KLLN: variants seen among roughly 807,000 people sequenced by gnomAD.
KLLN encodes killin.
For missense variants in KLLN, 340 were observed against 241.3 expected, an observed-to-expected ratio of 1.41 and a Z score of -2.71; for synonymous variants, 142 against 102.2, an observed-to-expected ratio of 1.39 and a Z score of -2.35.
In KLLN at chr10:87,862,246, T is replaced by A. The variant is rs903360897; in HGVS notation, c.242A>T (p.Asp81Val). The A allele has an allele frequency of 2.6e-6, 4 of 1,551,600 alleles. No individual in the cohort carries two copies. Among genetic ancestry groups the A allele is most frequent in the African/African-American group, 2.7e-5 (2 of 73,050 alleles). ...AGAAGACGACTTGCCTCCGGAGCTATCACTGGGGAGTGGGAATTTGGAAAG... is the reference window on the plus strand; with the variant it reads ...AGAAGACGACTTGCCTCCGGAGCTAACACTGGGGAGTGGGAATTTGGAAAG... ...GELSKFPLPS[D>V]SSGGKSSSSF... Residue 81 changes from aspartate to valine, a missense_variant, in exon 1 of 1, where the codon GAT becomes GTT. By Grantham distance (152) the Asp-to-Val change is radical (BLOSUM62 -3). Coordinates refer to ENST00000445946, the MANE Select transcript of KLLN (RefSeq NM_001126049.2).
At position 87,862,814 on chromosome 10, in the gene KLLN, G is replaced by A. The variant is rs1475064264; in HGVS notation, c.-327C>T. Reference sequence around the variant, plus strand: ...GCGAGAGGTGGGGCGCTGCAAGGGAGCCGGATGAGGTGATACACGCTGGCG... The same window carrying A: ...GCGAGAGGTGGGGCGCTGCAAGGGAACCGGATGAGGTGATACACGCTGGCG... On this transcript the variant is annotated 5_prime_UTR_variant, in exon 1 of 1. Transcript: ENST00000445946. The A allele has an allele frequency of 2.3e-6, 1 of 431,944 alleles. No individual in the cohort carries two copies. The highest frequency in any genetic ancestry group is 3.9e-5 in the Admixed American group (1 of 25,924). 26.8% of individuals were successfully genotyped at this position (431,944 alleles called of 1,614,324 possible).
At position 87,862,524 on chromosome 10, in the gene KLLN, G is replaced by T. The variant is rs1182387529; in HGVS notation, c.-37C>A. On this transcript the variant is annotated 5_prime_UTR_variant, in exon 1 of 1. Coordinates refer to ENST00000445946, the MANE Select transcript of KLLN (RefSeq NM_001126049.2). ...TTCACGGCGGCCAAGGGGGGGCGGG[G>T]CTAGGTGGTCTCTGAGAACCGAGCT... 9 of 1,509,342 alleles carry T rather than the reference G, an allele frequency of 6.0e-6. No homozygotes were observed. In the Admixed American group the frequency reaches 1.8e-4, roughly 30 times the overall value. 93.5% of individuals were successfully genotyped at this position (1,509,342 alleles called of 1,614,324 possible).
Position 87,862,602 on chromosome 10 carries a change from C to G in KLLN, c.-115G>C, listed in dbSNP as rs932861338. ...AGCCCGAGGGGAAAGATGCTCGACT[C>G]TCTTGGGGGCACCGGAGCGGGCGCA... On this transcript the variant is annotated 5_prime_UTR_variant, in exon 1 of 1. Transcript: ENST00000445946. 2.1e-6 allele frequency: 2 copies of G among 972,838 alleles called. No individual in the cohort carries two copies. Among genetic ancestry groups the G allele is most frequent in the Non-Finnish European group, 3.0e-6 (2 of 662,024 alleles). The allele number at this position is 972,838 out of a possible 1,614,324, so 60.3% of individuals were successfully genotyped here.
Position 87,860,700 on chromosome 10 carries a change from A to G in KLLN, c.*1251T>C, listed in dbSNP as rs1334528680. ...GGAGACAAGATCAGCAATCTAAGAA[A>G]CAAATGTGAGACATTTTACCCCTCC... On this transcript the variant is annotated 3_prime_UTR_variant, in exon 1 of 1. Coordinates refer to ENST00000445946, the MANE Select transcript of KLLN (RefSeq NM_001126049.2). 1 of 152,240 alleles carries G rather than the reference A, an allele frequency of 6.6e-6. No homozygotes were observed. The allele number at this position is 152,240 out of a possible 1,614,324, so 9.4% of individuals were successfully genotyped here.
chr10:87,863,299 C>G lies in KLLN; in HGVS notation c.-812G>C, dbSNP rs587779981. 3.8e-6 allele frequency: 1 copy of G among 263,666 alleles called. No individual in the cohort carries two copies. The highest frequency in any genetic ancestry group is 7.7e-6 in the Non-Finnish European group (1 of 129,754). 16.3% of individuals were successfully genotyped at this position (263,666 alleles called of 1,614,324 possible). ...AAGCCGCAGCAAGTGCAGCTGCAGGCTGGCGGCTGGGAACCGGCCCGAGCA... is the reference window on the plus strand; with the variant it reads ...AAGCCGCAGCAAGTGCAGCTGCAGGGTGGCGGCTGGGAACCGGCCCGAGCA... On this transcript the variant is annotated 5_prime_UTR_variant, in exon 1 of 1. Coordinates refer to ENST00000445946, the MANE Select transcript of KLLN (RefSeq NM_001126049.2).
Position 87,861,802 on chromosome 10 carries a change from T to C in KLLN, c.*149A>G, listed in dbSNP as rs922847290. 5.2e-5 allele frequency: 31 copies of C among 598,114 alleles called. No homozygotes were observed. The Admixed American group carries it at 8.8e-4, about 17-fold the overall frequency. The allele number at this position is 598,114 out of a possible 1,614,324, so 37.1% of individuals were successfully genotyped here. A position where few individuals can be genotyped will look rare whatever the true frequency, so the allele number is the denominator to read the frequency against. On this transcript the variant is annotated 3_prime_UTR_variant, in exon 1 of 1. Transcript: ENST00000445946. ...GCACGCTCTGGGCTGCAGCAGGAGATACCCTCAAGCACAGAACCAAAAGGG... is the reference window on the plus strand; with the variant it reads ...GCACGCTCTGGGCTGCAGCAGGAGACACCCTCAAGCACAGAACCAAAAGGG...
At position 87,859,823 on chromosome 10, in the gene KLLN, C is replaced by G. The variant is rs1399294889; in HGVS notation, c.*2128G>C. 1 of 151,954 alleles carries G rather than the reference C, an allele frequency of 6.6e-6. No homozygotes were observed. Among genetic ancestry groups the G allele is most frequent in the Non-Finnish European group, 1.5e-5 (1 of 68,106 alleles). The allele number at this position is 151,954 out of a possible 1,614,324, so 9.4% of individuals were successfully genotyped here. A position where few individuals can be genotyped will look rare whatever the true frequency, so the allele number is the denominator to read the frequency against. Reference sequence around the variant, plus strand: ...CGGGCAGATCACGAGGTCAGGAGATCGAGACCATCCTGACCAACATGGTGA... The same window carrying G: ...CGGGCAGATCACGAGGTCAGGAGATGGAGACCATCCTGACCAACATGGTGA... On this transcript the variant is annotated 3_prime_UTR_variant, in exon 1 of 1. Coordinates refer to ENST00000445946, the MANE Select transcript of KLLN (RefSeq NM_001126049.2).
rs778493831 is a variant in KLLN, at chr10:87,862,449, C to G, written c.39G>C (p.Arg13=). Residue 13 remains arginine (R), a synonymous_variant, in exon 1 of 1, where the codon CGG becomes CGC. Transcript: ENST00000445946. ...RPGPGSARPG[R]TVHVWGYRVE... ...CCCGGTAACCCCAAACGTGCACGGT[C>G]CGGCCGGGGCGCGCGGAGCCTGGCC... is the stretch of plus-strand genomic sequence containing the variant. The G allele has an allele frequency of 1.3e-5, 20 of 1,550,364 alleles. No individual in the cohort carries two copies. Among genetic ancestry groups the G allele is most frequent in the Non-Finnish European group, 1.7e-5 (19 of 1,146,166 alleles).
Position 87,862,143 on chromosome 10 carries a change from A to G in KLLN, c.345T>C (p.Ala115=), listed in dbSNP as rs1293348108. The G allele has an allele frequency of 1.3e-6, 2 of 1,550,528 alleles. No homozygotes were observed. The highest frequency in any genetic ancestry group is 3.9e-5 in the Admixed American group (2 of 50,930). ...AGCGCTCCTTCGGGAGGCTGGTCCG[A>G]GCCCCTGTTTCCGCCGCGGCGCAGG... ...NPSCAAAETG[A]RTSLPKERCR... is the part of the protein sequence containing the mutation. The change falls in exon 1 of 1, where the codon GCT becomes GCC. Residue 115 remains alanine (A), a synonymous_variant. Coordinates refer to ENST00000445946, the MANE Select transcript of KLLN (RefSeq NM_001126049.2).
At chr10:87,862,045 CAGGCGGGG>C in the KLLN span, 3 of 1,490,670 alleles carry the variant, frequency 2.0e-6, no homozygotes, top group African/African-American at 1.4e-5. Context: ...CGGCAGCCAG[CAGGCGGGG>C]AGGCGGGGGC....
Position 87,860,024 on chromosome 10 carries a change from A to G in KLLN, c.*1927T>C, listed in dbSNP as rs976647564. On this transcript the variant is annotated 3_prime_UTR_variant, in exon 1 of 1. Coordinates refer to ENST00000445946, the MANE Select transcript of KLLN (RefSeq NM_001126049.2). The stretch of plus-strand genomic sequence containing the variant: ...CTGTGAGACTCCGTCTCAAAAAAAA[A>G]AAAAAAAAAAGAAAAAAAAAAAAAG... 2.0e-5 allele frequency: 3 copies of G among 149,764 alleles called. No individual in the cohort carries two copies. Among genetic ancestry groups the G allele is most frequent in the African/African-American group, 7.5e-5 (3 of 40,176 alleles). 9.3% of individuals were successfully genotyped at this position (149,764 alleles called of 1,614,324 possible).
In KLLN at chr10:87,860,965, T is replaced by A. The variant is rs1858246772; in HGVS notation, c.*986A>T. 6.6e-6 allele frequency: 1 copy of A among 152,266 alleles called. No individual in the cohort carries two copies. The highest frequency in any genetic ancestry group is 2.4e-5 in the African/African-American group (1 of 41,464). 9.4% of individuals were successfully genotyped at this position (152,266 alleles called of 1,614,324 possible). ...GGCCTTTCTCTTACTCTTTTCCGGT[T>A]GCTTTCCATTTCCTTTTCCACTGTG... On this transcript the variant is annotated 3_prime_UTR_variant, in exon 1 of 1. Coordinates refer to ENST00000445946, the MANE Select transcript of KLLN (RefSeq NM_001126049.2).
rs763239852 is a variant in KLLN, at chr10:87,862,355, C to T, written c.133G>A (p.Gly45Arg). The part of the protein sequence containing the change: ...SEWAGRGDLG[G>R]FKRRWKDTRA... ...GTATCCTTCCACCTCCTTTTGAACC[C>T]TCCTAGGTCTCCTCGCCCCGCCCAC... is the stretch of plus-strand genomic sequence containing the variant. The change falls in exon 1 of 1, where the codon GGG (glycine) becomes AGG (arginine). Residue 45 changes from glycine to arginine, a missense_variant. By Grantham distance (125) the Gly-to-Arg change is moderately radical (BLOSUM62 -2). Coordinates refer to ENST00000445946, the MANE Select transcript of KLLN (RefSeq NM_001126049.2). 2.6e-6 allele frequency: 4 copies of T among 1,551,674 alleles called. No homozygotes were observed. Among genetic ancestry groups the T allele is most frequent in the Non-Finnish European group, 3.5e-6 (4 of 1,146,972 alleles).
At position 87,861,270 on chromosome 10, in the gene KLLN, T is replaced by C. The variant is rs1413280207; in HGVS notation, c.*681A>G. On this transcript the variant is annotated 3_prime_UTR_variant, in exon 1 of 1. Transcript: ENST00000445946. Reference sequence around the variant, plus strand: ...TGCCTGCAACTATGATGTGCACATATACAGTACTCTTTCTCAAATACAGCA... The same window carrying C: ...TGCCTGCAACTATGATGTGCACATACACAGTACTCTTTCTCAAATACAGCA... The C allele has an allele frequency of 6.6e-6, 1 of 152,250 alleles. No individual in the cohort carries two copies. The highest frequency in any genetic ancestry group is 1.5e-5 in the Non-Finnish European group (1 of 68,066). The allele number at this position is 152,250 out of a possible 1,614,324, so 9.4% of individuals were successfully genotyped here. A position where few individuals can be genotyped will look rare whatever the true frequency, so the allele number is the denominator to read the frequency against.
At position 87,862,535 on chromosome 10, in the gene KLLN, T is replaced by C; in HGVS notation, c.-48A>G. Reference sequence around the variant, plus strand: ...CAAGGGGGGGCGGGGCTAGGTGGTCTCTGAGAACCGAGCTTGACTCCGACG... The same window carrying C: ...CAAGGGGGGGCGGGGCTAGGTGGTCCCTGAGAACCGAGCTTGACTCCGACG... On this transcript the variant is annotated 5_prime_UTR_variant, in exon 1 of 1. Coordinates refer to ENST00000445946, the MANE Select transcript of KLLN (RefSeq NM_001126049.2). 6.7e-7 allele frequency: 1 copy of C among 1,483,110 alleles called. No individual in the cohort carries two copies. Among genetic ancestry groups the C allele is most frequent in the Non-Finnish European group, 9.0e-7 (1 of 1,104,982 alleles). The allele number at this position is 1,483,110 out of a possible 1,614,324, so 91.9% of individuals were successfully genotyped here.
At position 87,859,186 on chromosome 10, in the gene KLLN, A is replaced by G. The variant is rs1858218343; in HGVS notation, c.*2765T>C. 1 of 152,188 alleles carries G rather than the reference A, an allele frequency of 6.6e-6. No individual in the cohort carries two copies. Among genetic ancestry groups the G allele is most frequent in the African/African-American group, 2.4e-5 (1 of 41,428 alleles). 9.4% of individuals were successfully genotyped at this position (152,188 alleles called of 1,614,324 possible). On this transcript the variant is annotated 3_prime_UTR_variant, in exon 1 of 1. Coordinates refer to ENST00000445946, the MANE Select transcript of KLLN (RefSeq NM_001126049.2). ...TGGAGAATGTCTTAAAATTATCTTT[A>G]TTGAAAGAACAATAATGTTTGTTAT...
Position 87,862,539 on chromosome 10 carries a change from AGAACCGAGCTTGACTCCGACGCCGC to A in KLLN, c.-77_-53del. The A allele has an allele frequency of 2.7e-6, 4 of 1,472,712 alleles. No homozygotes were observed. Among genetic ancestry groups the A allele is most frequent in the Non-Finnish European group, 3.6e-6 (4 of 1,097,782 alleles). 91.2% of individuals were successfully genotyped at this position (1,472,712 alleles called of 1,614,324 possible). On this transcript the variant is annotated 5_prime_UTR_variant, in exon 1 of 1. Transcript: ENST00000445946. ...GGGGGGCGGGGCTAGGTGGTCTCTG[AGAACCGAGCTTGACTCCGACGCCGC>A]GAACCGACCTGGAGCCCGAGGGGAA...
At position 87,862,060 on chromosome 10, in the gene KLLN, G is replaced by C. The variant is rs1335671785; in HGVS notation, c.428C>G (p.Pro143Arg). 6.7e-7 allele frequency: 1 copy of C among 1,497,998 alleles called. No homozygotes were observed. The allele number at this position is 1,497,998 out of a possible 1,614,324, so 92.8% of individuals were successfully genotyped here. ...CGGCAGCCAGCAGGCGGGGAGGCGG[G>C]GGCACGTGTTTGGATGTGGGTGCTT... ...LHKHPHPNTC[P>R]RLPACWLPPI... The change falls in exon 1 of 1, where the codon CCC becomes CGC. Residue 143 changes from proline (P) to arginine (R), a missense_variant. Physicochemically the swap from Pro to Arg is moderately radical, Grantham distance 103. Transcript: ENST00000445946.
In KLLN at chr10:87,863,394, A is replaced by C. The variant is rs1028802765; in HGVS notation, c.-907T>G. The C allele has an allele frequency of 2.8e-6, 1 of 356,686 alleles. No homozygotes were observed. Among genetic ancestry groups the C allele is most frequent in the Non-Finnish European group, 5.1e-6 (1 of 194,808 alleles). 22.1% of individuals were successfully genotyped at this position (356,686 alleles called of 1,614,324 possible). A position where few individuals can be genotyped will look rare whatever the true frequency, so the allele number is the denominator to read the frequency against. On this transcript the variant is annotated 5_prime_UTR_variant, in exon 1 of 1. Transcript: ENST00000445946. ...TTGGGGACTCTGCGCTCGCACCCAG[A>C]GCTACCGCTCTGCCCCCTCCTACCG...
Sources: allele counts gnomAD v4.1 joint callset, GRCh38; gene constraint gnomAD v4.1.1; transcripts MANE v1.5; gene names NCBI Gene and HGNC (gene_info 2026-07-23, HGNC 2026-07-21).